Variants in TAFA2 observed in about 807,000 individuals in gnomAD.
TAFA2 encodes TAFA chemokine like family member 2, also known as chemokine-like protein TAFA-2.
TAFA2 carries 7 observed loss-of-function variants against 18.8 expected under a neutral mutation model. The observed-to-expected ratio is 0.37, with a 90% CI of 0.21 to 0.70. The LOEUF is 0.70. Among genes scored for constraint, TAFA2 ranks in the 30% least tolerant of loss-of-function variants. TAFA2 has a pLI of 0.53. For missense variants in TAFA2, 122 were observed against 158.1 expected (o/e 0.77, Z 1.23); for synonymous variants, 60 against 54.2 (o/e 1.11, Z -0.47).
At chr12:61,745,120 T>C (rs11174151) in intron 4 of TAFA2, among the ~76,000 whole-genome samples, 4,783 of 152,148 alleles carry the variant, frequency 0.031, 241 homozygotes, top group African/African-American at 0.11. Flanking sequence ...CTACCTACTC[T>C]TCTTCAGAAA....
chr12:61,907,202 T>C (rs987053772), intron 1 of TAFA2, among the ~76,000 whole-genome samples: 2 of 152,230 alleles, frequency 1.3e-5, no homozygotes, highest in African/African-American at 4.8e-5. Context: ...CTCCGGGACA[T>C]GTCAGAGACA....
At chr12:62,048,967 C>T (rs1196108568) in intron 1 of TAFA2, among the ~76,000 whole-genome samples, 1 of 152,000 alleles carries the variant, frequency 6.6e-6, no homozygotes, top group Non-Finnish European at 1.5e-5. Context: ...GGCAGACTAC[C>T]CATGCAGCTG....
intron 2 of TAFA2, chr12:61,776,280 G>C: frequency 5.3e-6 from 1 of 189,102 alleles, no homozygotes; most frequent in Non-Finnish European, 1.1e-5. Flanking sequence ...GGAAACCAAA[G>C]AGAAATAAAG....
intron 1 of TAFA2, among the ~76,000 whole-genome samples, chr12:62,053,088 C>A (rs1265844542): frequency 6.6e-6 from 1 of 152,114 alleles, no homozygotes. Context: ...CTGGGACCAG[C>A]AAACCAATTT....
At chr12:61,976,836 C>G (rs1592525943) in intron 1 of TAFA2, among the ~76,000 whole-genome samples, 1 of 152,032 alleles carries the variant, frequency 6.6e-6, no homozygotes, top group Non-Finnish European at 1.5e-5. Flanking sequence ...ATCCATGTCC[C>G]TGCAAAGGAC....
intron 1 of TAFA2, among the ~76,000 whole-genome samples, chr12:62,141,851 G>A (rs559392791): frequency 6.6e-6 from 1 of 152,262 alleles, no homozygotes; most frequent in Non-Finnish European, 1.5e-5. Flanking sequence ...AGTCAACTAA[G>A]AAAAATTGAC....
chr12:61,922,752 T>C (rs993214468), intron 1 of TAFA2, among the ~76,000 whole-genome samples: 2 of 152,070 alleles, frequency 1.3e-5, no homozygotes, highest in Non-Finnish European at 2.9e-5. Flanking sequence ...GACAGAACCA[T>C]TCACTCCCAT....
chr12:62,144,917 T>C (rs2062269869), intron 1 of TAFA2, among the ~76,000 whole-genome samples: 1 of 152,224 alleles, frequency 6.6e-6, no homozygotes, highest in South Asian at 2.1e-4. Context: ...TACTGATCAA[T>C]GGTCAACTAC....
intron 1 of TAFA2, chr12:62,235,182 A>G: frequency 3.0e-6 from 2 of 667,812 alleles, no homozygotes; most frequent in Non-Finnish European, 2.9e-6. Context: ...CTGACAGTAA[A>G]TCATCCGGAA....
chr12:61,778,276 G>A, intron 2 of TAFA2, among the ~76,000 whole-genome samples: 1 of 151,706 alleles, frequency 6.6e-6, no homozygotes, highest in Middle Eastern at 3.4e-3. Context: ...CGAGCCTAAG[G>A]GGCAAGGAAG....
chr12:62,127,628 C>T (rs1399722705), intron 1 of TAFA2, among the ~76,000 whole-genome samples: 1 of 151,864 alleles, frequency 6.6e-6, no homozygotes, highest in Non-Finnish European at 1.5e-5. Context: ...TCACGGTAGG[C>T]TTTGAGGAGA....
At chr12:61,713,519 C>A (rs963392622) in intron 4 of TAFA2, among the ~76,000 whole-genome samples, 2 of 152,110 alleles carry the variant, frequency 1.3e-5, no homozygotes, top group Non-Finnish European at 2.9e-5. Context: ...CTTTTCAACA[C>A]AAAATAAGGA....
rs566584331 is a variant in TAFA2 at position 61,956,456 on chromosome 12, CT to C, written c.-1-89031del. 2.8e-3 allele frequency among the ~76,000 whole-genome samples: 426 copies of C among 151,940 alleles called. 2 individuals carry two copies. Among genetic ancestry groups the C allele is most frequent in the African/African-American group, 9.7e-3 (404 of 41,474 alleles). On this transcript the variant is annotated intron_variant, in intron 1 of 4. Coordinates refer to ENST00000416284, the MANE Select transcript of TAFA2 (RefSeq NM_178539.5). ...TCTTTGCTTAGAGACCCTAATTTTT[CT>C]GACAATTAAGAGAGTTATAAAATGA...
intron 1 of TAFA2, among the ~76,000 whole-genome samples, chr12:62,014,813 C>T (rs1880877691): frequency 6.6e-6 from 1 of 151,918 alleles, no homozygotes; most frequent in African/African-American, 2.4e-5. Context: ...TTCTTATGAC[C>T]AACCAGATTT....
rs141058894 is a variant in TAFA2, at chr12:61,814,411, G to A, written c.106+52909C>T. On this transcript the variant is annotated intron_variant, in intron 2 of 4. Transcript: ENST00000416284. ...GTTGAGATTTATTCTAAGTTAAATG[G>A]GCAGACATTGAAGGATCTTAACCAG... Among the ~76,000 whole-genome samples the A allele has an allele frequency of 3.4e-4, 52 of 151,396 alleles. 4 individuals are homozygous for A. The highest frequency in any genetic ancestry group is 1.2e-3 in the African/African-American group (50 of 40,704).
chr12:61,808,260 C>T (rs1301750258), intron 2 of TAFA2, among the ~76,000 whole-genome samples: 2 of 151,560 alleles, frequency 1.3e-5, no homozygotes, highest in Non-Finnish European at 2.9e-5. Flanking sequence ...CCTGCACAAG[C>T]TCTCTTCTCT....
chr12:62,133,359 T>A (rs905603335), intron 1 of TAFA2, among the ~76,000 whole-genome samples: 2 of 152,018 alleles, frequency 1.3e-5, no homozygotes, highest in African/African-American at 2.4e-5. Context: ...CCTGGCTCCA[T>A]GAAGGTCAAC....
Position 61,765,488 on chromosome 12 carries a change from T to C in TAFA2, c.107-10464A>G, listed in dbSNP as rs1223120470. On this transcript the variant is annotated intron_variant, in intron 2 of 4. Transcript: ENST00000416284. ...CTAGTAATAATGATATTCCTAGTAA[T>C]GGACTTAGGAAGGAGTTGGGTGCAG... Among the ~76,000 whole-genome samples the C allele has an allele frequency of 8.5e-5, 13 of 152,216 alleles. No homozygotes were observed. The East Asian group carries it at 2.3e-3, about 27-fold the overall frequency.
intron 1 of TAFA2, among the ~76,000 whole-genome samples, chr12:61,986,735 C>A (rs1468585613): frequency 6.6e-6 from 1 of 151,272 alleles, no homozygotes; most frequent in Non-Finnish European, 1.5e-5. Flanking sequence ...CGTCAAGTTG[C>A]AACAAAAGGT....
Sources: gnomAD v4.1 joint callset for allele counts (sites outside exome capture counted in the v4.1 genomes callset) on GRCh38, gnomAD v4.1.1 for gene constraint, MANE v1.5 for transcripts, NCBI Gene and HGNC (gene_info 2026-07-23, HGNC 2026-07-21) for gene names.